The following ATAD2 variants were observed in gnomAD, a reference collection of about 807,000 sequenced individuals.
The protein encoded by ATAD2 is ATPase family AAA domain-containing protein 2.
A neutral mutation model predicts 168.9 loss-of-function variants in ATAD2; 62 were observed. That is an observed-to-expected ratio of 0.37 (90% CI 0.30 to 0.45). The LOEUF (loss-of-function observed/expected upper bound fraction) is 0.45, where lower values mean the gene tolerates loss of function less well. Among genes scored for constraint, ATAD2 ranks in the 20% least tolerant of loss-of-function variants. The probability of loss-of-function intolerance (pLI) is 1.00; values close to 1 mark genes in which losing one functional copy is unlikely to be tolerated. For missense variants in ATAD2, 1,419 were observed against 1,667.8 expected, an observed-to-expected ratio of 0.85 and a Z score of 2.60; for synonymous variants, 613 against 571.6, an observed-to-expected ratio of 1.07 and a Z score of -1.03.
chr8:123,336,354 A>G lies in ATAD2; in HGVS notation c.3211+19T>C, dbSNP rs1012108051. The stretch of plus-strand genomic sequence containing the variant: ...GCCCCCCAACTCAACCCCCTGAAAA[A>G]AAATTCACTAATGCTCACCTCCAGG... On this transcript the variant is annotated intron_variant, in intron 22 of 27. Coordinates refer to ENST00000287394, the MANE Select transcript of ATAD2 (RefSeq NM_014109.4). The G allele has an allele frequency of 4.5e-6, 7 of 1,551,774 alleles. No homozygotes were observed. The highest frequency in any genetic ancestry group is 4.2e-5 in the African/African-American group (3 of 71,748).
intron 2 of ATAD2, among the ~76,000 whole-genome samples, chr8:123,376,427 T>C (rs1427365481): frequency 5.3e-5 from 8 of 151,206 alleles, no homozygotes; most frequent in African/African-American, 1.9e-4. Flanking sequence ...CTGGGCATGG[T>C]GGCACATGAC....
At chr8:123,332,685 G>A (rs1827805845) in intron 24 of ATAD2, among the ~76,000 whole-genome samples, 1 of 152,006 alleles carries the variant, frequency 6.6e-6, no homozygotes, top group African/African-American at 2.4e-5. Flanking sequence ...CCCCAGTGTT[G>A]AACCATGACT....
Position 123,369,885 on chromosome 8 carries a change from CTCTTCTTCTCCA to C in ATAD2, c.855_866del (p.Asp285_Glu288del). 1 of 1,611,116 alleles carries C rather than the reference CTCTTCTTCTCCA, an allele frequency of 6.2e-7. No individual in the cohort carries two copies. Among genetic ancestry groups the C allele is most frequent in the Non-Finnish European group, 8.5e-7 (1 of 1,178,980 alleles). On this transcript the variant is annotated inframe_deletion, in exon 7 of 28. Coordinates refer to ENST00000287394, the MANE Select transcript of ATAD2 (RefSeq NM_014109.4). ...GTCTAAGATAATATCGCTTCTGATT[CTCTTCTTCTCCA>C]TCTTCTTCATCTTCATCATCTTCAT...
intron 22 of ATAD2, among the ~76,000 whole-genome samples, chr8:123,336,021 T>C (rs939735996): frequency 6.6e-6 from 1 of 152,158 alleles, no homozygotes; most frequent in Non-Finnish European, 1.5e-5. Context: ...TTAAAAACTA[T>C]TTCATTACAG....
At chr8:123,390,234 C>T (rs1829790100) in intron 1 of ATAD2, among the ~76,000 whole-genome samples, 1 of 151,898 alleles carries the variant, frequency 6.6e-6, no homozygotes, top group East Asian at 1.9e-4. Flanking sequence ...CTGCCTCGGC[C>T]TCCCAAACAA....
intron 2 of ATAD2, among the ~76,000 whole-genome samples, chr8:123,380,242 G>A (rs1030782085): frequency 1.3e-5 from 2 of 151,816 alleles, no homozygotes; most frequent in African/African-American, 2.4e-5. Flanking sequence ...TAGTAGAGAC[G>A]GGGTTTCTCC....
Position 123,346,097 on chromosome 8 carries a change from T to A in ATAD2, c.2521A>T (p.Thr841Ser). Reference protein sequence around the residue: ...FGVSTTSPEETCAQVIREAKR... With the variant: ...FGVSTTSPEESCAQVIREAKR... ...CACCAACAAATTACCTGGGCACATG[T>A]TTCTTCAGGGGATGTAGTACTAACT... The change falls in exon 18 of 28, where the codon ACA becomes TCA. Residue 841 changes from threonine (T) to serine (S), a missense_variant. Physicochemically the swap from Thr to Ser is moderately conservative, Grantham distance 58 (BLOSUM62 1). This residue lies in a region of ATAD2 where 545 missense variants were observed against 724.9 expected (regional missense o/e 0.75). Transcript: ENST00000287394. 1 of 1,532,262 alleles carries A rather than the reference T, an allele frequency of 6.5e-7. No individual in the cohort carries two copies. The highest frequency in any genetic ancestry group is 8.8e-7 in the Non-Finnish European group (1 of 1,142,586). 94.9% of individuals were successfully genotyped at this position (1,532,262 alleles called of 1,614,324 possible).
intron 1 of ATAD2, 52 bp from the exon 2 acceptor site, chr8:123,380,729 T>A (rs749370490): frequency 6.4e-7 from 1 of 1,561,134 alleles, no homozygotes; most frequent in Non-Finnish European, 8.7e-7. Flanking sequence ...AAAACTCCAA[T>A]TTAAATTCCT....
Position 123,322,341 on chromosome 8 carries a change from G to T in ATAD2, c.4131+597C>A. 1.3e-5 allele frequency among the ~76,000 whole-genome samples: 2 copies of T among 152,148 alleles called. 1 individual carries two copies. The highest frequency in any genetic ancestry group is 4.8e-5 in the African/African-American group (2 of 41,432). On this transcript the variant is annotated intron_variant, in intron 27 of 27. Coordinates refer to ENST00000287394, the MANE Select transcript of ATAD2 (RefSeq NM_014109.4). ...TCATTAATACATACACACAAAAGGG[G>T]TATTCATAGTTTATGTTCCACTATT...
intron 1 of ATAD2, among the ~76,000 whole-genome samples, chr8:123,408,764 G>A (rs1328818578): frequency 1.3e-5 from 2 of 152,022 alleles, no homozygotes; most frequent in African/African-American, 2.4e-5. Context: ...TGATTCACTC[G>A]CCTCGGCCTC....
intron 1 of ATAD2, among the ~76,000 whole-genome samples, chr8:123,387,871 G>C (rs182010703): frequency 1.3e-3 from 191 of 152,192 alleles, no homozygotes; most frequent in Middle Eastern, 3.4e-3. Flanking sequence ...AGCATGTTTG[G>C]GGGGGAGGTC....
chr8:123,350,584 G>T (rs1828418441), intron 13 of ATAD2, among the ~76,000 whole-genome samples: 1 of 151,924 alleles, frequency 6.6e-6, no homozygotes, highest in Non-Finnish European at 1.5e-5. Context: ...ACATTTATTT[G>T]TTGAAGAAAC....
intron 2 of ATAD2, among the ~76,000 whole-genome samples, chr8:123,374,677 A>C (rs974908132): frequency 1.3e-5 from 2 of 152,196 alleles, no homozygotes; most frequent in Non-Finnish European, 2.9e-5. Flanking sequence ...ACAGCTACCT[A>C]ACATTATAGG....
rs572354450 is a variant in ATAD2 at position 123,350,500 on chromosome 8, A to G, written c.1647-1056T>C. Among the ~76,000 whole-genome samples the G allele has an allele frequency of 1.6e-4, 24 of 152,220 alleles. 1 individual carries two copies. Among genetic ancestry groups the G allele is most frequent in the African/African-American group, 5.8e-4 (24 of 41,530 alleles). Reference sequence around the variant, plus strand: ...GATTTAGTTAATCCAGGACCCACACACTACACTTGATTATTTGTCACTGAA... The same window carrying G: ...GATTTAGTTAATCCAGGACCCACACGCTACACTTGATTATTTGTCACTGAA... On this transcript the variant is annotated intron_variant, in intron 13 of 27. Transcript: ENST00000287394.
chr8:123,413,223 C>T (rs1778417727), intron 1 of ATAD2, among the ~76,000 whole-genome samples: 1 of 38,326 alleles, frequency 2.6e-5, no homozygotes, highest in African/African-American at 1.7e-4. Context: ...CTCTAATGAG[C>T]GCCCCCCCCC....
chr8:123,370,209 C>A (rs891437927), intron 6 of ATAD2, among the ~76,000 whole-genome samples, 185 bp from the exon 7 acceptor site: 3 of 149,874 alleles, frequency 2.0e-5, no homozygotes, highest in Non-Finnish European at 4.4e-5. Context: ...ATTTGTAATT[C>A]TTTTCCAACA....
In ATAD2 at chr8:123,327,839, A is replaced by G. The variant is rs140773340; in HGVS notation, c.3868+351T>C. Among the ~76,000 whole-genome samples the G allele has an allele frequency of 7.1e-4, 108 of 152,344 alleles. 1 individual carries two copies. Among genetic ancestry groups the G allele is most frequent in the Non-Finnish European group, 1.3e-3 (90 of 68,040 alleles). ...TCTTGCTTAAAAATGAAAGGGTATC[A>G]TATACTTTAGTTTGTTACATTTAAT... On this transcript the variant is annotated intron_variant, in intron 25 of 27. Coordinates refer to ENST00000287394, the MANE Select transcript of ATAD2 (RefSeq NM_014109.4).
At chr8:123,350,248 T>C (rs533963060) in intron 13 of ATAD2, among the ~76,000 whole-genome samples, 3 of 152,330 alleles carry the variant, frequency 2.0e-5, no homozygotes, top group Admixed American at 6.5e-5. Flanking sequence ...ATTATCAGTA[T>C]GACTTTTTTA....
chr8:123,332,990 C>G (rs1187609539), intron 24 of ATAD2, among the ~76,000 whole-genome samples: 1 of 151,988 alleles, frequency 6.6e-6, no homozygotes, highest in African/African-American at 2.4e-5. Flanking sequence ...TTATCTATCT[C>G]AAATCAATTA....
Sources: allele counts gnomAD v4.1 joint callset (sites outside exome capture counted in the v4.1 genomes callset), GRCh38; gene constraint gnomAD v4.1.1; regional missense constraint gnomAD v4.1.1; transcripts MANE v1.5; gene names NCBI Gene and HGNC (gene_info 2026-07-23, HGNC 2026-07-21).